The following KIRREL3 variants were observed in gnomAD, a reference collection of about 807,000 sequenced individuals.
The protein encoded by KIRREL3 is kirre like nephrin family adhesion molecule 3.
KIRREL3 carries 36 observed loss-of-function variants against 89.7 expected under a neutral mutation model. The ratio of observed to expected loss-of-function variants is 0.40; its 90% CI spans 0.31 to 0.53. The LOEUF (loss-of-function observed/expected upper bound fraction) is 0.53, where lower values mean the gene tolerates loss of function less well. Among genes scored for constraint, KIRREL3 ranks in the 20% least tolerant of loss-of-function variants. The pLI is 0.49. For missense variants in KIRREL3, 864 were observed against 1,056.6 expected, an observed-to-expected ratio of 0.82 and a Z score of 2.53; for synonymous variants, 445 against 441.4, an observed-to-expected ratio of 1.01 and a Z score of -0.10.
Position 126,924,507 on chromosome 11 carries a change from G to T in KIRREL3, c.55+75948C>A, listed in dbSNP as rs1473277883. The stretch of plus-strand genomic sequence containing the variant: ...TTAATCCTGTGCCATTATTGTACTT[G>T]CCCGTTTGCAACAAGGAACATCTTT... On this transcript the variant is annotated intron_variant, in intron 1 of 16. Coordinates refer to ENST00000525144, the MANE Select transcript of KIRREL3 (RefSeq NM_032531.4). The surrounding 1 kb of genome is among the most constrained non-coding windows in gnomAD (Gnocchi z 4.7). 6.6e-6 allele frequency among the ~76,000 whole-genome samples: 1 copy of T among 152,172 alleles called. No individual in the cohort carries two copies. The highest frequency in any genetic ancestry group is 2.4e-5 in the African/African-American group (1 of 41,428).
At chr11:126,482,121 C>A (rs1957235226) in intron 4 of KIRREL3, among the ~76,000 whole-genome samples, 2 of 152,190 alleles carry the variant, frequency 1.3e-5, no homozygotes, top group African/African-American at 4.8e-5. Flanking sequence ...TCACTGCAAC[C>A]TCTGCCTCCT....
intron 1 of KIRREL3, among the ~76,000 whole-genome samples, chr11:126,577,319 C>T (rs540710524): frequency 6.6e-6 from 1 of 151,854 alleles, no homozygotes; most frequent in African/African-American, 2.4e-5. Context: ...CAGGTCAGGT[C>T]GATGGGTGGG....
intron 5 of KIRREL3, among the ~76,000 whole-genome samples, chr11:126,467,082 G>A (rs1266076058): frequency 1.3e-5 from 2 of 152,248 alleles, no homozygotes; most frequent in East Asian, 1.9e-4. Context: ...GCATGTGTCC[G>A]GGAACGAGCG....
At chr11:126,820,317 A>AC (rs1428561106) in intron 1 of KIRREL3, among the ~76,000 whole-genome samples, 2 of 150,800 alleles carry the variant, frequency 1.3e-5, no homozygotes, top group African/African-American at 4.9e-5. Context: ...GCCTTTAAAA[A>AC]AAAAGTAACC....
rs1555109139 is a variant in KIRREL3 at position 126,451,335 on chromosome 11, T to TGTGCATGTGTGAGC, written c.849-2179_849-2178insGCTCACACATGCAC. Among the ~76,000 whole-genome samples, 15 of 141,226 alleles carry TGTGCATGTGTGAGC rather than the reference T, an allele frequency of 1.1e-4. No individual in the cohort carries two copies. In the South Asian group the frequency reaches 1.1e-3, roughly 11 times the overall value. The allele number at this position is 141,226 out of a possible 152,430, so 92.6% of individuals were successfully genotyped here. A position where few individuals can be genotyped will look rare whatever the true frequency, so the allele number is the denominator to read the frequency against. The stretch of plus-strand genomic sequence containing the variant: ...GCATGTGGTTGTGTGCATTAGTGAG[T>TGTGCATGTGTGAGC]GTGTGCATGTGTGTGCGTATGTGAG... On this transcript the variant is annotated intron_variant, in intron 7 of 16. Coordinates refer to ENST00000525144, the MANE Select transcript of KIRREL3 (RefSeq NM_032531.4).
intron 1 of KIRREL3, among the ~76,000 whole-genome samples, chr11:126,835,656 G>A (rs996057804): frequency 6.6e-6 from 1 of 152,120 alleles, no homozygotes; most frequent in Non-Finnish European, 1.5e-5. Flanking sequence ...GCTCAGAGGG[G>A]GACACAGATT....
At chr11:126,514,911 ACT>A (rs1958359821) in intron 4 of KIRREL3, among the ~76,000 whole-genome samples, 1 of 151,974 alleles carries the variant, frequency 6.6e-6, no homozygotes, top group Non-Finnish European at 1.5e-5. Context: ...TATCTGCCAG[ACT>A]CTGTTCTCTG....
Position 126,423,539 on chromosome 11 carries a change from G to A in KIRREL3, c.*1041C>T, listed in dbSNP as rs1954804762. On this transcript the variant is annotated 3_prime_UTR_variant, in exon 17 of 17. Transcript: ENST00000525144. ...ATTTATTTCAGGTGGTGACTAGGAG[G>A]GTTGAGGTGTAGATATACTTCCTCT... 6.6e-6 allele frequency: 1 copy of A among 152,164 alleles called. No individual in the cohort carries two copies. The highest frequency in any genetic ancestry group is 6.5e-5 in the Admixed American group (1 of 15,282). The allele number at this position is 152,164 out of a possible 1,614,324, so 9.4% of individuals were successfully genotyped here.
chr11:126,491,275 C>T lies in KIRREL3; in HGVS notation c.434-17809G>A, dbSNP rs551621762. Among the ~76,000 whole-genome samples the T allele has an allele frequency of 6.6e-6, 1 of 152,340 alleles. No individual in the cohort carries two copies. Among genetic ancestry groups the T allele is most frequent in the East Asian group, 1.9e-4 (1 of 5,178 alleles). On this transcript the variant is annotated intron_variant, in intron 4 of 16. Transcript: ENST00000525144. This position sits in a 1 kb window ranked among gnomAD's most constrained non-coding sequence, Gnocchi z 5.5. ...AGGCCAGAAGCCTGTGAGCCTGAAACTCTGCTCAGGTGTCCGAATGTAATG... is the reference window on the plus strand; with the variant it reads ...AGGCCAGAAGCCTGTGAGCCTGAAATTCTGCTCAGGTGTCCGAATGTAATG...
chr11:126,530,023 C>T lies in KIRREL3; in HGVS notation c.134-3336G>A, dbSNP rs2134454299. On this transcript the variant is annotated intron_variant, in intron 2 of 16. Transcript: ENST00000525144. This position sits in a 1 kb window ranked among gnomAD's most constrained non-coding sequence, Gnocchi z 5.8. ...GCCTCTCCTTTGGGCTCAAGAGCCC[C>T]TCAGAGCACAGCTTTTGAGCCATGG... is the stretch of plus-strand genomic sequence containing the variant. Among the ~76,000 whole-genome samples, 1 of 152,100 alleles carries T rather than the reference C, an allele frequency of 6.6e-6. No individual in the cohort carries two copies. The highest frequency in any genetic ancestry group is 2.1e-4 in the South Asian group (1 of 4,810).
At chr11:126,509,122 A>G (rs1259708145) in intron 4 of KIRREL3, among the ~76,000 whole-genome samples, 2 of 152,198 alleles carry the variant, frequency 1.3e-5, no homozygotes, top group Non-Finnish European at 2.9e-5. Context: ...AGTGAAAGCC[A>G]GTCTCCTAGG....
chr11:126,896,117 C>A lies in KIRREL3; in HGVS notation c.55+104338G>T, dbSNP rs1946147709. Among the ~76,000 whole-genome samples the A allele has an allele frequency of 6.6e-6, 1 of 152,060 alleles. No homozygotes were observed. The highest frequency in any genetic ancestry group is 1.5e-5 in the Non-Finnish European group (1 of 68,014). On this transcript the variant is annotated intron_variant, in intron 1 of 16. Coordinates refer to ENST00000525144, the MANE Select transcript of KIRREL3 (RefSeq NM_032531.4). This position sits in a 1 kb window ranked among gnomAD's most constrained non-coding sequence, Gnocchi z 4.1. ...GTAGTTTTTTCTATTCTTGTTTATC[C>A]CTGAAGAGCACATGTATAGCTTATA...
At chr11:126,577,297 G>C (rs1335652064) in intron 1 of KIRREL3, among the ~76,000 whole-genome samples, 3 of 152,088 alleles carry the variant, frequency 2.0e-5, no homozygotes, top group African/African-American at 7.2e-5. Context: ...TCAGTATCAG[G>C]ACTTCTGCGC....
chr11:126,791,661 CA>C lies in KIRREL3; in HGVS notation c.55+208793del, dbSNP rs1950644293. On this transcript the variant is annotated intron_variant, in intron 1 of 16. Coordinates refer to ENST00000525144, the MANE Select transcript of KIRREL3 (RefSeq NM_032531.4). The surrounding 1 kb of genome is among the most constrained non-coding windows in gnomAD (Gnocchi z 4.8). Reference sequence around the variant, plus strand: ...GGTCAGCCATCCAGGCCACAGGGTCCAGGGGCCCAGATTCCCATGGCCAGGC... The same window carrying C: ...GGTCAGCCATCCAGGCCACAGGGTCCGGGGCCCAGATTCCCATGGCCAGGC... Among the ~76,000 whole-genome samples the C allele has an allele frequency of 6.6e-6, 1 of 152,204 alleles. No homozygotes were observed. The highest frequency in any genetic ancestry group is 6.5e-5 in the Admixed American group (1 of 15,278).
intron 1 of KIRREL3, among the ~76,000 whole-genome samples, chr11:126,828,490 C>A (rs989238239): frequency 2.6e-5 from 4 of 152,160 alleles, no homozygotes; most frequent in African/African-American, 9.7e-5. Flanking sequence ...ATATGGAATT[C>A]TAAAAATGAG....
Position 126,425,709 on chromosome 11 carries a change from A to G in KIRREL3, c.1822T>C (p.Phe608Leu). Residue 608 changes from phenylalanine to leucine, a missense_variant, in exon 16 of 17, where the codon TTC becomes CTC. By Grantham distance (22) the Phe-to-Leu change is conservative. Transcript: ENST00000525144. The part of the protein sequence containing the change: ...IKQLMMDRGE[F>L]QQDSVLKQLE... Reference sequence around the variant, plus strand: ...TGTTTCAGGACTGAGTCTTGCTGGAATTCACCCCGGTCCATCTGCAACCCA... The same window carrying G: ...TGTTTCAGGACTGAGTCTTGCTGGAGTTCACCCCGGTCCATCTGCAACCCA... 1 of 1,596,684 alleles carries G rather than the reference A, an allele frequency of 6.3e-7. No homozygotes were observed. The highest frequency in any genetic ancestry group is 8.5e-7 in the Non-Finnish European group (1 of 1,170,856).
rs1426801810 is a variant in KIRREL3 at position 126,752,967 on chromosome 11, T to C, written c.56-190055A>G. On this transcript the variant is annotated intron_variant, in intron 1 of 16. Transcript: ENST00000525144. This position sits in a 1 kb window ranked among gnomAD's most constrained non-coding sequence, Gnocchi z 4.8. ...TCTTCCAGAATCTCTTGTGATAATA[T>C]TGCTTTGTTTTAGCTGAGAAACCTT... Among the ~76,000 whole-genome samples the C allele has an allele frequency of 6.6e-6, 1 of 152,196 alleles. No individual in the cohort carries two copies. The highest frequency in any genetic ancestry group is 2.4e-5 in the African/African-American group (1 of 41,448).
At chr11:126,448,793 A>G (rs1955921353) in intron 8 of KIRREL3, among the ~76,000 whole-genome samples, 1 of 152,206 alleles carries the variant, frequency 6.6e-6, no homozygotes, top group African/African-American at 2.4e-5. Context: ...GTGTCATAGC[A>G]GCCCCAGCCA....
Position 126,822,993 on chromosome 11 carries a change from G to A in KIRREL3, c.55+177462C>T, listed in dbSNP as rs138131506. On this transcript the variant is annotated intron_variant, in intron 1 of 16. Coordinates refer to ENST00000525144, the MANE Select transcript of KIRREL3 (RefSeq NM_032531.4). ...CCCACCTCTTAAAGGGAGGAATGTC[G>A]AGGAATTTGTGAGTATCTCCAATCC... Among the ~76,000 whole-genome samples the A allele has an allele frequency of 1.8e-4, 27 of 152,250 alleles. No individual in the cohort carries two copies. The East Asian group carries it at 2.1e-3, about 12-fold the overall frequency.
Sources: gnomAD v4.1 joint callset for allele counts (sites outside exome capture counted in the v4.1 genomes callset) on GRCh38, gnomAD v4.1.1 for gene constraint, Gnocchi (gnomAD v3.1) non-coding constraint, MANE v1.5 for transcripts, NCBI Gene and HGNC (gene_info 2026-07-23, HGNC 2026-07-21) for gene names.